Variants in VPS72 observed in about 807,000 individuals in gnomAD.
VPS72 encodes vacuolar protein sorting 72 homolog.
A neutral mutation model predicts 38.9 loss-of-function variants in VPS72; 27 were observed. The ratio of observed to expected loss-of-function variants is 0.69; its 90% CI spans 0.51 to 0.96. The LOEUF is 0.96. Ranked by LOEUF, VPS72 falls within the 40% of genes least tolerant of loss-of-function variation. The probability of loss-of-function intolerance (pLI) is 0.00; values close to 1 mark genes in which losing one functional copy is unlikely to be tolerated. For missense variants in VPS72, 360 were observed against 479.5 expected (o/e 0.75, Z 2.33); for synonymous variants, 173 against 186.3 (o/e 0.93, Z 0.58).
chr1:151,186,454 G>A (rs999348292), intron 1 of VPS72, among the ~76,000 whole-genome samples: 1 of 152,002 alleles, frequency 6.6e-6, no homozygotes, highest in Non-Finnish European at 1.5e-5. Flanking sequence ...AGCTACTTGG[G>A]AGGTTGAGGC....
Position 151,185,512 on chromosome 1 carries a change from A to G in VPS72, c.379T>C (p.Ser127Pro), listed in dbSNP as rs1389472202. The change falls in exon 3 of 6, where the codon TCT becomes CCT. Residue 127 changes from serine (S) to proline (P), a missense_variant. Ser to Pro is a moderately conservative substitution (Grantham distance 74). Transcript: ENST00000368892. ...CCCTAACATCCCTACTCACTGTCAG[A>G]GCCGTCATCTTGTAGTTCTAATGGC... ...LLPLELQDDG[S>P]DSRKSMRQST... The G allele has an allele frequency of 1.6e-5, 26 of 1,613,982 alleles. No homozygotes were observed. Among genetic ancestry groups the G allele is most frequent in the Non-Finnish European group, 2.2e-5 (26 of 1,179,990 alleles).
At chr1:151,186,089 G>C in intron 1 of VPS72, 139 bp from the exon 2 acceptor site, 2 of 1,132,038 alleles carry the variant, frequency 1.8e-6, no homozygotes, top group South Asian at 1.6e-5. Context: ...CCTCAGGCAA[G>C]AAAACTTTCT....
intron 1 of VPS72, among the ~76,000 whole-genome samples, chr1:151,187,887 G>A (rs182051959): frequency 2.0e-4 from 31 of 152,258 alleles, no homozygotes; most frequent in Non-Finnish European, 3.4e-4. Flanking sequence ...TATATTGTAA[G>A]CCTCCTTAAA....
rs1201102108 is a variant in VPS72 at position 151,176,712 on chromosome 1, G to C, written c.1027C>G (p.Pro343Ala). 1 of 1,614,078 alleles carries C rather than the reference G, an allele frequency of 6.2e-7. No individual in the cohort carries two copies. The highest frequency in any genetic ancestry group is 8.5e-7 in the Non-Finnish European group (1 of 1,180,048). The change falls in exon 6 of 6, where the codon CCG (proline) becomes GCG (alanine). Residue 343 changes from proline (P) to alanine (A), a missense_variant. Pro to Ala is a conservative substitution (Grantham distance 27, BLOSUM62 -1). Coordinates refer to ENST00000368892, the MANE Select transcript of VPS72 (RefSeq NM_005997.3). ...PPTASALGPGPPPPEPLPGSG... is the reference protein window; with the variant it reads ...PPTASALGPGAPPPEPLPGSG... ...CCAGGGAGGGGCTCAGGAGGTGGCG[G>C]GCCGGGGCCCAGGGCTGAGGCAGTG...
At position 151,185,591 on chromosome 1, in the gene VPS72, C is replaced by T; in HGVS notation, c.300G>A (p.Lys100=). ...KEPLKSLRPR[K]VNTPAGSSQK... is the part of the protein sequence containing the mutation. ...GAGAGCTACCAGCCGGGGTGTTGAC[C>T]TTTCGAGGCCTTAAGCTCTTGAGAG... The change falls in exon 3 of 6, where the codon AAG becomes AAA. Residue 100 remains lysine, a synonymous_variant. Coordinates refer to ENST00000368892, the MANE Select transcript of VPS72 (RefSeq NM_005997.3). The T allele has an allele frequency of 6.2e-7, 1 of 1,614,122 alleles. No individual in the cohort carries two copies. The highest frequency in any genetic ancestry group is 8.5e-7 in the Non-Finnish European group (1 of 1,180,036).
Position 151,176,465 on chromosome 1 carries a change from A to T in VPS72, c.*179T>A. On this transcript the variant is annotated 3_prime_UTR_variant, in exon 6 of 6. Transcript: ENST00000368892. ...CTAGACTGGACACCAGACAAAAGGG[A>T]TCTTTCTATTTTATTAGATTAAAAA... is the stretch of plus-strand genomic sequence containing the variant. 1.9e-6 allele frequency: 2 copies of T among 1,074,314 alleles called. No individual in the cohort carries two copies. The highest frequency in any genetic ancestry group is 1.6e-5 in the South Asian group (1 of 60,802). The allele number at this position is 1,074,314 out of a possible 1,614,324, so 66.5% of individuals were successfully genotyped here. A position where few individuals can be genotyped will look rare whatever the true frequency, so the allele number is the denominator to read the frequency against.
intron 1 of VPS72, 42 bp from the exon 2 acceptor site, chr1:151,185,992 C>G: frequency 6.2e-7 from 1 of 1,606,106 alleles, no homozygotes; most frequent in African/African-American, 1.3e-5. Flanking sequence ...CAATGGAAGC[C>G]TTAATGCCCC....
chr1:151,189,894 A>G, intron 1 of VPS72, 111 bp downstream of exon 1: 6 of 1,213,378 alleles, frequency 4.9e-6, no homozygotes, highest in Non-Finnish European at 5.8e-6. Flanking sequence ...CTCGAGTATC[A>G]GCTCCCAGAG....
intron 1 of VPS72, among the ~76,000 whole-genome samples, chr1:151,189,594 C>T (rs1442979743): frequency 1.3e-5 from 2 of 152,126 alleles, no homozygotes; most frequent in African/African-American, 2.4e-5. Context: ...ACTTTTGGAG[C>T]GGTTCCTTTC....
intron 3 of VPS72, 33 bp downstream of exon 3, chr1:151,185,473 A>G (rs1402036313): frequency 6.3e-7 from 1 of 1,590,540 alleles, no homozygotes; most frequent in Non-Finnish European, 8.6e-7. Context: ...TTATATTCCA[A>G]TTTTGCCAAT....
chr1:151,177,059 A>C (rs770447325), intron 5 of VPS72, 28 bp from the exon 6 acceptor site: 3 of 1,526,476 alleles, frequency 2.0e-6, no homozygotes, highest in East Asian at 4.5e-5. Flanking sequence ...GGAAAAACAC[A>C]AAGAGCTGAG....
At chr1:151,185,395 G>C in intron 3 of VPS72, 111 bp downstream of exon 3, 1 of 1,059,436 alleles carries the variant, frequency 9.4e-7, no homozygotes, top group South Asian at 1.3e-5. Flanking sequence ...CAAAGTGCTG[G>C]GATTCTAGGA....
At chr1:151,185,689 G>C (rs587668161) in intron 2 of VPS72, 69 bp from the exon 3 acceptor site, 43 of 1,607,592 alleles carry the variant, frequency 2.7e-5, no homozygotes, top group Admixed American at 2.2e-4. Context: ...ATCTCAATGA[G>C]AGAAAACTAG....
chr1:151,177,895 G>A, intron 5 of VPS72, 106 bp downstream of exon 5: 1 of 1,298,898 alleles, frequency 7.7e-7, no homozygotes. Flanking sequence ...GAATCTGAAA[G>A]AAATCTCCAA....
Position 151,176,721 on chromosome 1 carries a change from C to T in VPS72, c.1018G>A (p.Gly340Ser). 6.2e-7 allele frequency: 1 copy of T among 1,614,122 alleles called. No homozygotes were observed. Among genetic ancestry groups the T allele is most frequent in the South Asian group, 1.1e-5 (1 of 91,084 alleles). The stretch of plus-strand genomic sequence containing the variant: ...GGCTCAGGAGGTGGCGGGCCGGGGC[C>T]CAGGGCTGAGGCAGTGGGCGGCAGT... ...HGLPPTASAL[G>S]PGPPPPEPLP... Residue 340 changes from glycine (G) to serine (S), a missense_variant, in exon 6 of 6, where the codon GGC becomes AGC. Physicochemically the swap from Gly to Ser is moderately conservative, Grantham distance 56. This residue lies in a region of VPS72 where 294 missense variants were observed against 356.3 expected (regional missense o/e 0.83). Transcript: ENST00000368892.
Position 151,185,869 on chromosome 1 carries a change from C to A in VPS72, c.199G>T (p.Asp67Tyr). 6.2e-7 allele frequency: 1 copy of A among 1,614,162 alleles called. No homozygotes were observed. Among genetic ancestry groups the A allele is most frequent in the Non-Finnish European group, 8.5e-7 (1 of 1,180,036 alleles). Reference protein sequence around the residue: ...VDSDFDIDEGDEPSSDGEAEE... With the variant: ...VDSDFDIDEGYEPSSDGEAEE... ...GCTTCTCCATCACTGGATGGTTCAT[C>A]CCCTTCATCAATGTCAAAGTCAGAG... Residue 67 changes from aspartate (D) to tyrosine (Y), a missense_variant, in exon 2 of 6, where the codon GAT becomes TAT. Asp to Tyr is a radical substitution (Grantham distance 160). Transcript: ENST00000368892.
At position 151,179,523 on chromosome 1, in the gene VPS72, C is replaced by T. The variant is rs587759821; in HGVS notation, c.563-1378G>A. 2.0e-4 allele frequency among the ~76,000 whole-genome samples: 31 copies of T among 151,426 alleles called. 1 individual carries two copies. The East Asian group carries it at 6.0e-3, about 29-fold the overall frequency. ...CTGGGGCAGGAGAATGGCGTGAACCCAGGAGGCAGAGCTTGCAGTGAGCTG... is the reference window on the plus strand; with the variant it reads ...CTGGGGCAGGAGAATGGCGTGAACCTAGGAGGCAGAGCTTGCAGTGAGCTG... On this transcript the variant is annotated intron_variant, in intron 4 of 5. Transcript: ENST00000368892.
chr1:151,185,289 T>C (rs4971011), intron 3 of VPS72, among the ~76,000 whole-genome samples: 127,582 of 151,990 alleles, frequency 0.84, 53,789 homozygotes, highest in Non-Finnish European at 0.87. Context: ...CCACACCTGG[T>C]TAATTTTTGT....
chr1:151,177,453 G>C (rs767154357), intron 5 of VPS72, among the ~76,000 whole-genome samples: 1 of 151,594 alleles, frequency 6.6e-6, no homozygotes, highest in South Asian at 2.1e-4. Context: ...AGAAAAAGGA[G>C]GCAGGGTGTT....
Sources: gnomAD v4.1 joint callset for allele counts (sites outside exome capture counted in the v4.1 genomes callset) on GRCh38, gnomAD v4.1.1 for gene constraint, gnomAD v4.1.1 regional missense constraint, MANE v1.5 for transcripts, NCBI Gene and HGNC (gene_info 2026-07-23, HGNC 2026-07-21) for gene names.